The following SPRED2 variants were observed in gnomAD, a reference collection of about 807,000 sequenced individuals.
The protein encoded by SPRED2 is sprouty related EVH1 domain containing 2, also known as sprouty-related, EVH1 domain-containing protein 2.
In SPRED2, 47 loss-of-function variants were observed where a neutral mutation model predicts 43.0. The observed-to-expected ratio is 1.09, with a 90% confidence interval of 0.87 to 1.40. The LOEUF is 1.40. Among genes scored for constraint, SPRED2 ranks in the 40% most tolerant of loss-of-function variants. The pLI is 0.00. For synonymous variants in SPRED2, 225 were observed against 225.7 expected (o/e 1.00, Z 0.03); for missense variants, 561 against 586.4 (o/e 0.96, Z 0.45).
intron 3 of SPRED2, chr2:65,334,313 G>A (rs1162929731): frequency 1.9e-6 from 1 of 513,516 alleles, no homozygotes; most frequent in Admixed American, 2.3e-5. Flanking sequence ...GTCAGGACAA[G>A]GTGAAAGCAG....
rs745488120 is a variant in SPRED2 at position 65,316,832 on chromosome 2, G to A, written c.490C>T (p.Arg164Trp). 21 of 1,613,760 alleles carry A rather than the reference G, an allele frequency of 1.3e-5. No individual in the cohort carries two copies. The Admixed American group carries it at 2.8e-4, about 22-fold the overall frequency. The change falls in exon 5 of 6, where the codon CGG becomes TGG. Residue 164 changes from arginine (R) to tryptophan (W), a missense_variant. Arg to Trp is a moderately radical substitution (Grantham distance 101). Around this residue, in one of 6 missense-constraint regions of SPRED2, gnomAD observed 305 missense variants for 282.4 expected, o/e 1.08. Coordinates refer to ENST00000356388, the MANE Select transcript of SPRED2 (RefSeq NM_181784.3). ...CAGGATGTGGGAGAGGAGATTGTCCGAGTAGGTTGCTCTCTCTTCTGAGAG... is the reference window on the plus strand; with the variant it reads ...CAGGATGTGGGAGAGGAGATTGTCCAAGTAGGTTGCTCTCTCTTCTGAGAG... Reference protein sequence around the residue: ...NSSQKREQPTRTISSPTSCEH... With the variant: ...NSSQKREQPTWTISSPTSCEH...
At chr2:65,326,675 A>C (rs1404924212) in intron 4 of SPRED2, among the ~76,000 whole-genome samples, 1 of 151,974 alleles carries the variant, frequency 6.6e-6, no homozygotes, top group Non-Finnish European at 1.5e-5. Context: ...CAACCAACCA[A>C]CCAACCAAGA....
intron 1 of SPRED2, among the ~76,000 whole-genome samples, chr2:65,359,952 C>T (rs1190073456): frequency 1.3e-5 from 2 of 151,714 alleles, no homozygotes; most frequent in South Asian, 2.1e-4. Flanking sequence ...GTAGTCCCAG[C>T]TACTCGGGAG....
At chr2:65,409,817 C>T (rs543911326) in intron 1 of SPRED2, among the ~76,000 whole-genome samples, 31 of 151,628 alleles carry the variant, frequency 2.0e-4, no homozygotes, top group African/African-American at 7.0e-4. Flanking sequence ...GGGCGGATCA[C>T]GAGGTCAGGA....
At chr2:65,339,326 C>G (rs937212076) in intron 2 of SPRED2, among the ~76,000 whole-genome samples, 2 of 151,858 alleles carry the variant, frequency 1.3e-5, no homozygotes. Context: ...GGATGGTTGC[C>G]GTGTCTGTGT....
chr2:65,381,203 G>T (rs536709424), intron 1 of SPRED2, among the ~76,000 whole-genome samples: 1 of 152,168 alleles, frequency 6.6e-6, no homozygotes, highest in Admixed American at 6.5e-5. Flanking sequence ...TCCTCAACTC[G>T]TAGCTCAGCT....
chr2:65,406,555 T>G (rs1676027865), intron 1 of SPRED2, among the ~76,000 whole-genome samples: 1 of 152,220 alleles, frequency 6.6e-6, no homozygotes, highest in Admixed American at 6.5e-5. Flanking sequence ...ATTATACTCT[T>G]CGTGCACCAC....
intron 4 of SPRED2, among the ~76,000 whole-genome samples, chr2:65,324,682 A>G (rs550000553): frequency 8.0e-4 from 122 of 152,160 alleles, no homozygotes; most frequent in African/African-American, 2.8e-3. Flanking sequence ...GTAGAAGGCC[A>G]CCTCTCTGAC....
intron 1 of SPRED2, among the ~76,000 whole-genome samples, chr2:65,423,086 T>C (rs935711851): frequency 6.6e-6 from 1 of 152,246 alleles, no homozygotes; most frequent in Non-Finnish European, 1.5e-5. Context: ...ACTATGTCTG[T>C]ATTCCCACTC....
chr2:65,363,450 C>T (rs1191081259), intron 1 of SPRED2, among the ~76,000 whole-genome samples: 4 of 152,086 alleles, frequency 2.6e-5, no homozygotes, highest in Non-Finnish European at 5.9e-5. Context: ...GAGTTTATGT[C>T]GTTAGAAGGC....
chr2:65,355,911 T>C (rs1674632261), intron 1 of SPRED2, among the ~76,000 whole-genome samples: 1 of 152,334 alleles, frequency 6.6e-6, no homozygotes, highest in South Asian at 2.1e-4. Flanking sequence ...ATGGTATTTG[T>C]GATCCACATT....
intron 1 of SPRED2, among the ~76,000 whole-genome samples, chr2:65,383,158 G>A (rs1675414943): frequency 6.6e-6 from 1 of 152,242 alleles, no homozygotes; most frequent in Non-Finnish European, 1.5e-5. Context: ...GGAGAGCAAG[G>A]AAGGGCTCCA....
chr2:65,404,493 CA>C (rs936554765), intron 1 of SPRED2, among the ~76,000 whole-genome samples: 3 of 152,216 alleles, frequency 2.0e-5, no homozygotes, highest in Non-Finnish European at 2.9e-5. Context: ...ATGAGTTTCT[CA>C]GGGAGTTTTC....
chr2:65,414,915 G>A (rs1049672175), intron 1 of SPRED2, among the ~76,000 whole-genome samples: 6 of 152,064 alleles, frequency 3.9e-5, no homozygotes, highest in African/African-American at 1.2e-4. Context: ...TTTTTCAGGA[G>A]GGAAGTGTTT....
At chr2:65,318,171 T>C (rs143086519) in intron 4 of SPRED2, among the ~76,000 whole-genome samples, 1 of 152,166 alleles carries the variant, frequency 6.6e-6, no homozygotes, top group African/African-American at 2.4e-5. Context: ...TTTTTTTGCC[T>C]GCCACCATCC....
intron 1 of SPRED2, chr2:65,366,810 G>C: frequency 7.9e-7 from 1 of 1,272,024 alleles, no homozygotes; most frequent in East Asian, 3.1e-5. Context: ...GCATTTTATA[G>C]GCCTGTTGTG....
chr2:65,387,451 C>T (rs1675527433), intron 1 of SPRED2, among the ~76,000 whole-genome samples: 1 of 152,184 alleles, frequency 6.6e-6, no homozygotes, highest in African/African-American at 2.4e-5. Context: ...TCTCAGTTTA[C>T]TTAGCAGAGA....
intron 1 of SPRED2, among the ~76,000 whole-genome samples, chr2:65,418,620 C>A (rs1203000262): frequency 6.6e-6 from 1 of 152,008 alleles, no homozygotes; most frequent in Non-Finnish European, 1.5e-5. Flanking sequence ...CTGGCACGAC[C>A]TTGGCTCACT....
chr2:65,399,942 C>T (rs1198506680), intron 1 of SPRED2, among the ~76,000 whole-genome samples: 1 of 152,084 alleles, frequency 6.6e-6, no homozygotes, highest in Non-Finnish European at 1.5e-5. Flanking sequence ...TAACCAAACA[C>T]CACCTGTTCC....
Sources: gnomAD v4.1 joint callset for allele counts (sites outside exome capture counted in the v4.1 genomes callset) on GRCh38, gnomAD v4.1.1 for gene constraint, gnomAD v4.1.1 regional missense constraint, MANE v1.5 for transcripts, NCBI Gene and HGNC (gene_info 2026-07-23, HGNC 2026-07-21) for gene names.